Variants in CDH13 observed in about 807,000 individuals in gnomAD.
CDH13 encodes the protein cadherin 13.
CDH13 carries 24 observed loss-of-function variants against 63.8 expected under a neutral mutation model. The ratio of observed to expected loss-of-function variants is 0.38; its 90% CI spans 0.27 to 0.53. The LOEUF (loss-of-function observed/expected upper bound fraction) is 0.53. Among genes scored for constraint, CDH13 ranks in the 20% least tolerant of loss-of-function variants. The pLI is 0.85. For synonymous variants in CDH13, 503 were observed against 355.3 expected, an observed-to-expected ratio of 1.42 and a Z score of -4.67; for missense variants, 1,049 against 903.1, an observed-to-expected ratio of 1.16 and a Z score of -2.07.
At chr16:82,740,862 G>C (rs1001868202) in intron 1 of CDH13, among the ~76,000 whole-genome samples, 1 of 152,156 alleles carries the variant, frequency 6.6e-6, no homozygotes, top group African/African-American at 2.4e-5. Context: ...TCCATATGGG[G>C]AGTAGTGAAA....
chr16:83,176,512 GAAAA>G (rs869250059), intron 4 of CDH13, among the ~76,000 whole-genome samples: 1,933 of 71,796 alleles, frequency 0.027, 37 homozygotes, highest in African/African-American at 0.082. Context: ...TCCAGCTAGA[GAAAA>G]AAAAAAAAAA....
intron 1 of CDH13, among the ~76,000 whole-genome samples, chr16:82,782,731 C>T (rs949671953): frequency 1.3e-5 from 2 of 152,130 alleles, no homozygotes; most frequent in African/African-American, 2.4e-5. Flanking sequence ...AGCAGCTTCA[C>T]GACCAAGCAC....
intron 10 of CDH13, among the ~76,000 whole-genome samples, chr16:83,742,228 C>T (rs1179176934): frequency 2.0e-5 from 3 of 152,182 alleles, no homozygotes; most frequent in Admixed American, 6.5e-5. Flanking sequence ...TGAGGGGGCC[C>T]TGCTGAGAGT....
chr16:83,081,515 T>A (rs559744797), intron 3 of CDH13, among the ~76,000 whole-genome samples: 1 of 152,170 alleles, frequency 6.6e-6, no homozygotes, highest in Non-Finnish European at 1.5e-5. Context: ...TCTCCTTAGT[T>A]TGGGCTGCTA....
intron 4 of CDH13, among the ~76,000 whole-genome samples, chr16:83,129,356 G>T (rs1451828926): frequency 6.6e-6 from 1 of 152,196 alleles, no homozygotes. Context: ...TTTGTCTTTG[G>T]CTTCCCCTAG....
chr16:83,081,676 C>T (rs1259406410), intron 3 of CDH13, among the ~76,000 whole-genome samples: 13 of 151,836 alleles, frequency 8.6e-5, no homozygotes, highest in African/African-American at 3.2e-4. Flanking sequence ...TCATTGTAAA[C>T]TCACACAGTA....
chr16:82,720,506 T>G (rs537173847), intron 1 of CDH13, among the ~76,000 whole-genome samples: 128 of 152,188 alleles, frequency 8.4e-4, no homozygotes, highest in African/African-American at 3.0e-3. Flanking sequence ...CAGGGCACAC[T>G]TACACCCACG....
Position 83,058,161 on chromosome 16 carries a change from G to A in CDH13, c.366+25943G>A, listed in dbSNP as rs115444122. Among the ~76,000 whole-genome samples the A allele has an allele frequency of 3.6e-3, 547 of 152,134 alleles. 6 individuals are homozygous for A. Among genetic ancestry groups the A allele is most frequent in the African/African-American group, 0.012 (503 of 41,484 alleles). ...TAGTTTGTTGAACTTCATGAGTTAC[G>A]TCTTTTATCGGGCTTGGGGTGTGAC... On this transcript the variant is annotated intron_variant, in intron 3 of 13. Transcript: ENST00000567109.
chr16:83,491,272 T>C (rs2074005691), intron 7 of CDH13, among the ~76,000 whole-genome samples: 1 of 152,202 alleles, frequency 6.6e-6, no homozygotes, highest in Admixed American at 6.5e-5. Context: ...TTTGGGGAGA[T>C]GTTTGCGGAA....
At chr16:82,931,836 A>G (rs1287844426) in intron 2 of CDH13, among the ~76,000 whole-genome samples, 2 of 152,158 alleles carry the variant, frequency 1.3e-5, no homozygotes, top group Non-Finnish European at 2.9e-5. Flanking sequence ...TATTTCCCAC[A>G]TGGTCCCACC....
At chr16:83,308,698 C>G (rs961079701) in intron 5 of CDH13, among the ~76,000 whole-genome samples, 2 of 152,178 alleles carry the variant, frequency 1.3e-5, no homozygotes, top group African/African-American at 4.8e-5. Flanking sequence ...AAAAGGAAGC[C>G]CTTGCTTCTG....
chr16:83,059,511 G>A (rs975244284), intron 3 of CDH13, among the ~76,000 whole-genome samples: 3 of 152,108 alleles, frequency 2.0e-5, no homozygotes, highest in Admixed American at 6.6e-5. Flanking sequence ...ACTGGCGCTC[G>A]GGTGTCTGCC....
chr16:83,154,680 C>T (rs557986595), intron 4 of CDH13, among the ~76,000 whole-genome samples: 1 of 152,140 alleles, frequency 6.6e-6, no homozygotes, highest in Admixed American at 6.5e-5. Context: ...GACTAAGCAA[C>T]TCTCAGGTAC....
intron 4 of CDH13, among the ~76,000 whole-genome samples, chr16:83,203,516 C>A (rs1047210516): frequency 5.3e-5 from 8 of 151,604 alleles, no homozygotes; most frequent in Non-Finnish European, 8.8e-5. Flanking sequence ...GAAACCCCGT[C>A]TCTACTAAAA....
At chr16:83,468,065 T>C (rs1243957282) in intron 6 of CDH13, among the ~76,000 whole-genome samples, 2 of 152,246 alleles carry the variant, frequency 1.3e-5, no homozygotes, top group Non-Finnish European at 2.9e-5. Flanking sequence ...TCTCTCTTGC[T>C]TCCATGCCCT....
rs954023319 is a variant in CDH13 at position 82,639,336 on chromosome 16, C to G, written c.45+12199C>G. Reference sequence around the variant, plus strand: ...GCCCGGGGTCATTTGTGTTCTTTGTCTCCATGTCCTTGCTTTTGACCAGGG... The same window carrying G: ...GCCCGGGGTCATTTGTGTTCTTTGTGTCCATGTCCTTGCTTTTGACCAGGG... On this transcript the variant is annotated intron_variant, in intron 1 of 13. Transcript: ENST00000567109. 2.7e-6 allele frequency: 4 copies of G among 1,504,248 alleles called. No homozygotes were observed. In the African/African-American group the frequency reaches 4.1e-5, roughly 16 times the overall value. 93.2% of individuals were successfully genotyped at this position (1,504,248 alleles called of 1,614,324 possible).
At chr16:83,372,813 C>G (rs2091396501) in intron 6 of CDH13, among the ~76,000 whole-genome samples, 1 of 150,382 alleles carries the variant, frequency 6.6e-6, no homozygotes, top group Non-Finnish European at 1.5e-5. Flanking sequence ...TGCATCTCTG[C>G]TTTCTGTGGG....
intron 1 of CDH13, among the ~76,000 whole-genome samples, chr16:82,788,845 G>A (rs1375418913): frequency 6.6e-6 from 1 of 152,192 alleles, no homozygotes. Flanking sequence ...TAGCATAATT[G>A]ACATGCATGA....
chr16:83,209,244 T>C (rs976410749), intron 4 of CDH13, among the ~76,000 whole-genome samples: 9 of 152,190 alleles, frequency 5.9e-5, no homozygotes, highest in Admixed American at 1.3e-4. Context: ...CTGGCAACTT[T>C]CATTCCACCT....
Sources: allele counts gnomAD v4.1 joint callset (sites outside exome capture counted in the v4.1 genomes callset), GRCh38; gene constraint gnomAD v4.1.1; transcripts MANE v1.5; gene names NCBI Gene and HGNC (gene_info 2026-07-23, HGNC 2026-07-21).